THSD4: variants seen among roughly 807,000 people sequenced by gnomAD.
THSD4 encodes the protein thrombospondin type-1 domain-containing protein 4.
THSD4 carries 69 observed loss-of-function variants against 119.0 expected under a neutral mutation model. The ratio of observed to expected loss-of-function variants is 0.58; its 90% CI spans 0.48 to 0.71. The LOEUF is 0.71. Ranked by LOEUF, THSD4 falls within the 30% of genes least tolerant of loss-of-function variation. THSD4 has a pLI of 0.00. For missense variants in THSD4, 1,393 were observed against 1,391.1 expected, an observed-to-expected ratio of 1.00 and a Z score of -0.02; for synonymous variants, 524 against 540.4, an observed-to-expected ratio of 0.97 and a Z score of 0.42.
chr15:71,117,147 G>T (rs1003234091), intron 1 of THSD4, among the ~76,000 whole-genome samples: 1 of 152,176 alleles, frequency 6.6e-6, no homozygotes, highest in Non-Finnish European at 1.5e-5. Context: ...TTGGTTTCTT[G>T]TGGGGAGGCT....
intron 4 of THSD4, among the ~76,000 whole-genome samples, chr15:71,234,066 T>C (rs2044082470): frequency 1.3e-5 from 2 of 152,194 alleles, no homozygotes; most frequent in East Asian, 3.9e-4. Context: ...CCTGGCCTTC[T>C]GTCACCAAGG....
At chr15:71,274,182 G>A (rs2044564066) in intron 6 of THSD4, among the ~76,000 whole-genome samples, 1 of 152,184 alleles carries the variant, frequency 6.6e-6, no homozygotes, top group African/African-American at 2.4e-5. Flanking sequence ...AAGTGGATAT[G>A]GGATGGACAA....
At chr15:71,248,089 G>T (rs1055871989) in intron 5 of THSD4, among the ~76,000 whole-genome samples, 2 of 152,178 alleles carry the variant, frequency 1.3e-5, no homozygotes, top group Admixed American at 6.5e-5. Context: ...AGACCAGCCT[G>T]GGGAACATAG....
At chr15:71,319,183 C>T (rs1451910810) in intron 6 of THSD4, among the ~76,000 whole-genome samples, 1 of 152,102 alleles carries the variant, frequency 6.6e-6, no homozygotes, top group African/African-American at 2.4e-5. Flanking sequence ...TAGGACACTC[C>T]TGGTATGTCT....
At chr15:71,127,069 C>A (rs1346930818) in intron 1 of THSD4, among the ~76,000 whole-genome samples, 1 of 152,188 alleles carries the variant, frequency 6.6e-6, no homozygotes, top group Admixed American at 6.5e-5. Flanking sequence ...ACCCTTTAAC[C>A]ATAACCTCAC....
chr15:71,572,501 A>G (rs376158537), intron 7 of THSD4, among the ~76,000 whole-genome samples: 2 of 152,282 alleles, frequency 1.3e-5, no homozygotes, highest in South Asian at 4.1e-4. Flanking sequence ...ACAGCCTGGC[A>G]CTGGGCTGGC....
intron 1 of THSD4, among the ~76,000 whole-genome samples, chr15:71,124,771 G>T (rs1023333270): frequency 6.6e-6 from 1 of 152,094 alleles, no homozygotes; most frequent in African/African-American, 2.4e-5. Context: ...GGCTAGGCAC[G>T]GTGGCTCATG....
At chr15:71,561,891 C>CACAA (rs2049124197) in intron 7 of THSD4, among the ~76,000 whole-genome samples, 3 of 98,998 alleles carry the variant, frequency 3.0e-5, no homozygotes, top group Non-Finnish European at 6.1e-5. Flanking sequence ...CACACACACA[C>CACAA]ACACACACAC....
intron 14 of THSD4, among the ~76,000 whole-genome samples, chr15:71,753,526 T>A (rs74022424): frequency 6.6e-6 from 1 of 152,248 alleles, no homozygotes; most frequent in South Asian, 2.1e-4. Flanking sequence ...GTTGCTGGAA[T>A]GAGAAGGCAG....
intron 4 of THSD4, among the ~76,000 whole-genome samples, chr15:71,241,688 G>GA (rs961835434): frequency 1.3e-5 from 2 of 152,050 alleles, no homozygotes; most frequent in Non-Finnish European, 2.9e-5. Context: ...TACACCATAG[G>GA]AGTGGGCAAA....
At chr15:71,672,169 T>C (rs2141015430) in intron 8 of THSD4, among the ~76,000 whole-genome samples, 1 of 152,302 alleles carries the variant, frequency 6.6e-6, no homozygotes, top group African/African-American at 2.4e-5. Flanking sequence ...TGTTGAGCAG[T>C]GGTTTGTAGT....
chr15:71,497,535 A>C (rs2048040898), intron 7 of THSD4, among the ~76,000 whole-genome samples: 2 of 151,964 alleles, frequency 1.3e-5, no homozygotes, highest in South Asian at 4.1e-4. Context: ...AAAGGCATAT[A>C]TGTGAGTGAA....
chr15:71,267,425 C>T (rs1309714762), intron 6 of THSD4, among the ~76,000 whole-genome samples: 1 of 151,230 alleles, frequency 6.6e-6, no homozygotes, highest in Non-Finnish European at 1.5e-5. Flanking sequence ...GAGATTTTGT[C>T]ATCACCAGGC....
At chr15:71,308,538 A>G (rs1187329419) in intron 6 of THSD4, among the ~76,000 whole-genome samples, 1 of 152,050 alleles carries the variant, frequency 6.6e-6, no homozygotes, top group Non-Finnish European at 1.5e-5. Flanking sequence ...TAACATAGCC[A>G]TTTTACATTG....
intron 7 of THSD4, among the ~76,000 whole-genome samples, chr15:71,457,420 A>G (rs1426239924): frequency 6.7e-6 from 1 of 149,828 alleles, no homozygotes; most frequent in Non-Finnish European, 1.5e-5. Context: ...TGGTAATGCA[A>G]GTGTTTCCAA....
At chr15:71,486,358 C>T (rs1434801823) in intron 7 of THSD4, among the ~76,000 whole-genome samples, 1 of 152,106 alleles carries the variant, frequency 6.6e-6, no homozygotes, top group Non-Finnish European at 1.5e-5. Flanking sequence ...TTTTCCGAGG[C>T]CCAGCTAAAA....
At chr15:71,483,581 A>G (rs550716364) in intron 7 of THSD4, among the ~76,000 whole-genome samples, 1 of 151,932 alleles carries the variant, frequency 6.6e-6, no homozygotes, top group Non-Finnish European at 1.5e-5. Context: ...ATTATTTATT[A>G]TTTTATTTTA....
At chr15:71,342,131 C>T (rs7173440) in intron 6 of THSD4, among the ~76,000 whole-genome samples, 99,582 of 136,364 alleles carry the variant, frequency 0.73, 33,213 homozygotes, top group East Asian at 0.85. Flanking sequence ...TGAAACGCTT[C>T]TTCATAAAAA....
intron 7 of THSD4, among the ~76,000 whole-genome samples, chr15:71,427,273 A>C (rs1042158595): frequency 1.1e-4 from 5 of 44,800 alleles, no homozygotes; most frequent in Non-Finnish European, 2.5e-4. Context: ...AGGCACTGGG[A>C]TGAAACAGTG....
Sources: gnomAD v4.1 joint callset for allele counts (sites outside exome capture counted in the v4.1 genomes callset) on GRCh38, gnomAD v4.1.1 for gene constraint, MANE v1.5 for transcripts, NCBI Gene and HGNC (gene_info 2026-07-23, HGNC 2026-07-21) for gene names.